The following A2M variants were observed in gnomAD, a reference collection of about 807,000 sequenced individuals.
The protein encoded by A2M is alpha-2-macroglobulin.
Under a neutral mutation model 183.9 loss-of-function variants are expected in A2M, and 128 were observed. The ratio of observed to expected loss-of-function variants is 0.70; its 90% confidence interval spans 0.60 to 0.81. The LOEUF is 0.81. Among genes scored for constraint, A2M ranks in the 30% least tolerant of loss-of-function variants. The probability of loss-of-function intolerance (pLI) is 0.00; values close to 1 mark genes in which losing one functional copy is unlikely to be tolerated. For missense variants in A2M, 1,495 were observed against 1,787.6 expected, an observed-to-expected ratio of 0.84 and a Z score of 2.95; for synonymous variants, 592 against 670.8, an observed-to-expected ratio of 0.88 and a Z score of 1.81.
intron 11 of A2M, among the ~76,000 whole-genome samples, chr12:9,102,602 T>G (rs1298854768): frequency 6.6e-6 from 1 of 152,212 alleles, no homozygotes; most frequent in Non-Finnish European, 1.5e-5. Flanking sequence ...CTTTTCTTCC[T>G]GTAGAAGTTA....
rs1937880058 is a variant in A2M, at chr12:9,101,804, T to C, written c.1267-130A>G. ...AAATCTTTTGTTCCACAATGAAAAG[T>C]GGGAGAAGGACCCCTGATTTTGTTT... On this transcript the variant is annotated intron_variant, in intron 11 of 35. Transcript: ENST00000318602. 1.6e-5 allele frequency: 12 copies of C among 748,072 alleles called. No homozygotes were observed. The South Asian group carries it at 2.3e-4, about 14-fold the overall frequency. 46.3% of individuals were successfully genotyped at this position (748,072 alleles called of 1,614,324 possible).
chr12:9,072,180 A>G (rs992482594), intron 31 of A2M, among the ~76,000 whole-genome samples, 179 bp downstream of exon 31: 1 of 152,252 alleles, frequency 6.6e-6, no homozygotes, highest in African/African-American at 2.4e-5. Context: ...ACAATAGTAG[A>G]TCCTGGATGG....
At chr12:9,106,425 T>C (rs1938290180) in intron 9 of A2M, 66 bp downstream of exon 9, 2 of 1,430,554 alleles carry the variant, frequency 1.4e-6, no homozygotes, top group Non-Finnish European at 9.8e-7. Flanking sequence ...CAACTTACAA[T>C]TCATTATTTG....
At position 9,101,254 on chromosome 12, in the gene A2M, C is replaced by T. The variant is rs201773561; in HGVS notation, c.1495-47G>A. 9.2e-6 allele frequency: 14 copies of T among 1,526,322 alleles called. No individual in the cohort carries two copies. The East Asian group carries it at 2.0e-4, about 21-fold the overall frequency. The allele number at this position is 1,526,322 out of a possible 1,614,324, so 94.5% of individuals were successfully genotyped here. On this transcript the variant is annotated intron_variant, in intron 12 of 35. Transcript: ENST00000318602. ...GAAATTAAATGTGCCAGAGAGAACACGCTTCAGTCTCACTTCAATATACTT... is the reference window on the plus strand; with the variant it reads ...GAAATTAAATGTGCCAGAGAGAACATGCTTCAGTCTCACTTCAATATACTT...
chr12:9,108,496 A>G (rs1432590174), intron 7 of A2M, among the ~76,000 whole-genome samples: 1 of 152,110 alleles, frequency 6.6e-6, no homozygotes, highest in Non-Finnish European at 1.5e-5. Flanking sequence ...TTCCAAGTGC[A>G]TTTGTCTCCT....
intron 11 of A2M, among the ~76,000 whole-genome samples, chr12:9,102,933 A>T (rs1297897077): frequency 6.6e-6 from 1 of 152,202 alleles, no homozygotes; most frequent in Non-Finnish European, 1.5e-5. Context: ...AACTCTAAAG[A>T]GGCAGGCGTT....
intron 33 of A2M, among the ~76,000 whole-genome samples, chr12:9,069,501 G>C (rs1805666): frequency 0.39 from 59,248 of 151,992 alleles, 12,541 homozygotes; most frequent in African/African-American, 0.54. Context: ...CACATTTTGT[G>C]AAGATTTCTT....
chr12:9,089,402 G>A (rs1024795037), intron 21 of A2M, among the ~76,000 whole-genome samples, 151 bp from the exon 22 acceptor site: 1 of 152,190 alleles, frequency 6.6e-6, no homozygotes, highest in African/African-American at 2.4e-5. Flanking sequence ...ATATACGTAG[G>A]AGGTAGTTCG....
chr12:9,108,218 T>C (rs1262694241), intron 7 of A2M, among the ~76,000 whole-genome samples: 2 of 152,074 alleles, frequency 1.3e-5, no homozygotes, highest in Non-Finnish European at 2.9e-5. Flanking sequence ...CTCCACCTCC[T>C]GGGTTCATGC....
In A2M at chr12:9,074,584, G is replaced by A. The variant is rs759558504; in HGVS notation, c.3732C>T (p.Ala1244=). The A allele has an allele frequency of 8.1e-6, 13 of 1,612,520 alleles. No homozygotes were observed. Among genetic ancestry groups the A allele is most frequent in the African/African-American group, 1.3e-5 (1 of 74,870 alleles). ...IVKWITKQQN[A]QGGFSSTQDT... ...CCTGGGTGGAGGAGAAACCGCCCTG[G>A]GCATTCTGCTGCTTCGTGATCCACT... The change falls in exon 29 of 36, where the codon GCC becomes GCT. Residue 1244 remains alanine (A), a synonymous_variant. Transcript: ENST00000318602.
intron 26 of A2M, 126 bp downstream of exon 26, chr12:9,077,575 T>A (rs1948783829): frequency 6.7e-7 from 1 of 1,499,724 alleles, no homozygotes. Flanking sequence ...CCCCTCTTTT[T>A]TGGTGCCATC....
At chr12:9,096,440 T>C (rs947243492) in intron 15 of A2M, among the ~76,000 whole-genome samples, 1 of 152,206 alleles carries the variant, frequency 6.6e-6, no homozygotes, top group African/African-American at 2.4e-5. Context: ...ATAGCAAAGT[T>C]AATGGGTGCA....
At chr12:9,114,735 AT>A (rs1938995266) in intron 1 of A2M, among the ~76,000 whole-genome samples, 1 of 32,598 alleles carries the variant, frequency 3.1e-5, no homozygotes, top group African/African-American at 4.3e-4. Context: ...ATATACATAA[AT>A]ACATATATAT....
intron 15 of A2M, among the ~76,000 whole-genome samples, chr12:9,096,229 T>TCTAAGTACTCATCTAAGTA (rs1949377541): frequency 6.6e-6 from 1 of 152,190 alleles, no homozygotes; most frequent in Non-Finnish European, 1.5e-5. Flanking sequence ...AAACACTCCA[T>TCTAAGTACTCATCTAAGTA]CTAAGTACTC....
At chr12:9,070,685 C>A in intron 31 of A2M, 107 bp from the exon 32 acceptor site, 1 of 725,136 alleles carries the variant, frequency 1.4e-6, no homozygotes, top group South Asian at 2.0e-5. Context: ...ACACGTAAGT[C>A]TTCCCAAATA....
intron 29 of A2M, among the ~76,000 whole-genome samples, chr12:9,073,917 G>A (rs1457994475): frequency 1.3e-5 from 2 of 151,882 alleles, no homozygotes; most frequent in Non-Finnish European, 2.9e-5. Context: ...GCAAAACCTC[G>A]TCTCTACTAA....
intron 30 of A2M, 68 bp from the exon 31 acceptor site, chr12:9,072,554 C>G: frequency 6.2e-7 from 1 of 1,600,754 alleles, no homozygotes; most frequent in African/African-American, 1.3e-5. Context: ...GTCCCTAACC[C>G]TTTCTCTGAT....
At chr12:9,095,431 T>G (rs1359354034) in intron 16 of A2M, 108 bp downstream of exon 16, 1 of 1,090,318 alleles carries the variant, frequency 9.2e-7, no homozygotes, top group Non-Finnish European at 1.3e-6. Flanking sequence ...CCTCTTTATA[T>G]CCCATTACCC....
chr12:9,072,968 C>T, intron 29 of A2M, 97 bp from the exon 30 acceptor site: 2 of 862,580 alleles, frequency 2.3e-6, no homozygotes, highest in Admixed American at 2.6e-5. Context: ...CTTTGATTTC[C>T]TACTTCCCTC....
Sources: gnomAD v4.1 joint callset for allele counts (sites outside exome capture counted in the v4.1 genomes callset) on GRCh38, gnomAD v4.1.1 for gene constraint, MANE v1.5 for transcripts, NCBI Gene and HGNC (gene_info 2026-07-23, HGNC 2026-07-21) for gene names.